LRRC37A2: variants seen among roughly 807,000 people sequenced by gnomAD.
The protein encoded by LRRC37A2 is leucine rich repeat containing 37 member A2.
A neutral mutation model predicts 68.8 loss-of-function variants in LRRC37A2; 9 were observed. The ratio of observed to expected loss-of-function variants is 0.13; its 90% CI spans 0.08 to 0.23. The LOEUF (loss-of-function observed/expected upper bound fraction) is 0.23. Among genes scored for constraint, LRRC37A2 ranks in the 10% least tolerant of loss-of-function variants. The pLI, the probability that LRRC37A2 is intolerant of heterozygous loss-of-function variation, is 1.00. For missense variants in LRRC37A2, 168 were observed against 950.4 expected (o/e 0.18, Z 10.82); for synonymous variants, 63 against 367.6 (o/e 0.17, Z 9.48).
the LRRC37A2 span, among the ~76,000 whole-genome samples, chr17:46,798,796 T>A: frequency 6.6e-6 from 1 of 152,176 alleles, no homozygotes; most frequent in Non-Finnish European, 1.5e-5. Context: ...ACACCTGTAA[T>A]CCCAGCACTT....
the LRRC37A2 span, chr17:46,939,437 A>T: frequency 1.0e-6 from 1 of 992,064 alleles, no homozygotes; most frequent in African/African-American, 1.7e-5. Context: ...ATTTCCCGGG[A>T]GTGTTCAGTC....
chr17:47,000,091 T>TAAAATAAAATTAAATAAAATAAAAATAA, the LRRC37A2 span, among the ~76,000 whole-genome samples: 1 of 62,612 alleles, frequency 1.6e-5, no homozygotes, highest in South Asian at 5.6e-4. Flanking sequence ...TAAAATAAAA[T>TAAAATAAAATTAAATAAAATAAAAATAA]AAAATAAAAT....
chr17:46,534,267 G>C (rs1480016261), intron 6 of LRRC37A2, among the ~76,000 whole-genome samples: 6 of 142,926 alleles, frequency 4.2e-5, no homozygotes, highest in Non-Finnish European at 9.0e-5. Flanking sequence ...CAGGGTCATA[G>C]GACAATAGTG....
chr17:46,864,056 C>T, the LRRC37A2 span, among the ~76,000 whole-genome samples: 3 of 152,322 alleles, frequency 2.0e-5, no homozygotes, highest in South Asian at 2.1e-4. Flanking sequence ...GAGGGGGTCA[C>T]GCACAAGGCA....
At chr17:46,684,680 G>A in the LRRC37A2 span, among the ~76,000 whole-genome samples, 2 of 150,600 alleles carry the variant, frequency 1.3e-5, 1 homozygote, top group South Asian at 4.3e-4. Flanking sequence ...AAATGGTGTT[G>A]GGAAAACTGG....
At chr17:46,972,351 C>A in the LRRC37A2 span, among the ~76,000 whole-genome samples, 1 of 152,218 alleles carries the variant, frequency 6.6e-6, no homozygotes, top group Non-Finnish European at 1.5e-5. Flanking sequence ...CATTTCTAGT[C>A]CAGCTATAGT....
the LRRC37A2 span, chr17:46,941,290 G>A: frequency 5.1e-6 from 5 of 985,602 alleles, no homozygotes; most frequent in African/African-American, 1.7e-5. Flanking sequence ...GGTTTGATTT[G>A]CAAATTTGGA....
the LRRC37A2 span, among the ~76,000 whole-genome samples, chr17:46,881,294 C>T: frequency 1.4e-4 from 21 of 152,250 alleles, no homozygotes; most frequent in Non-Finnish European, 2.1e-4. Flanking sequence ...CCAGCATCCC[C>T]GTCCTAACAT....
At chr17:46,638,614 T>A in the LRRC37A2 span, among the ~76,000 whole-genome samples, 3 of 131,820 alleles carry the variant, frequency 2.3e-5, no homozygotes, top group East Asian at 9.9e-4. Flanking sequence ...TGAGCTCAGG[T>A]GATCCATCCG....
At chr17:46,987,353 C>T in the LRRC37A2 span, among the ~76,000 whole-genome samples, 10 of 152,182 alleles carry the variant, frequency 6.6e-5, no homozygotes, top group South Asian at 1.0e-3. Flanking sequence ...GGCGCCAGGA[C>T]GCTCAGGACT....
the LRRC37A2 span, among the ~76,000 whole-genome samples, chr17:46,788,711 C>T: frequency 6.6e-6 from 1 of 152,078 alleles, no homozygotes; most frequent in Non-Finnish European, 1.5e-5. Flanking sequence ...TAGAATCTAG[C>T]ACCTGCTTCA....
chr17:46,585,356 G>T, the LRRC37A2 span, among the ~76,000 whole-genome samples: 1 of 83,906 alleles, frequency 1.2e-5, no homozygotes, highest in Non-Finnish European at 3.0e-5. Context: ...GAATCCTTAA[G>T]ACATGCCTTC....
At chr17:46,775,728 C>T in the LRRC37A2 span, among the ~76,000 whole-genome samples, 1 of 151,770 alleles carries the variant, frequency 6.6e-6, no homozygotes, top group Non-Finnish European at 1.5e-5. Flanking sequence ...ATTCTCCTGC[C>T]TCAGCCTCCC....
chr17:46,811,934 G>A, the LRRC37A2 span, among the ~76,000 whole-genome samples: 6 of 152,158 alleles, frequency 3.9e-5, no homozygotes, highest in Non-Finnish European at 8.8e-5. Context: ...TCCAGCCTGG[G>A]CGACAGAGCA....
chr17:46,770,546 T>A, the LRRC37A2 span, among the ~76,000 whole-genome samples: 27 of 152,022 alleles, frequency 1.8e-4, no homozygotes, highest in East Asian at 5.3e-3. Flanking sequence ...CGTGGATGCA[T>A]AGGGACGGCC....
At chr17:46,847,468 G>A in the LRRC37A2 span, among the ~76,000 whole-genome samples, 2 of 152,204 alleles carry the variant, frequency 1.3e-5, no homozygotes, top group Non-Finnish European at 2.9e-5. Flanking sequence ...TACAGTTCAA[G>A]TATGTGGGGC....
chr17:47,037,908 C>T, the LRRC37A2 span, among the ~76,000 whole-genome samples: 2 of 152,174 alleles, frequency 1.3e-5, no homozygotes, highest in Non-Finnish European at 2.9e-5. Flanking sequence ...CAATTATTAG[C>T]ATATATTGTT....
the LRRC37A2 span, among the ~76,000 whole-genome samples, chr17:46,392,412 T>TCC: frequency 2.3e-5 from 1 of 43,642 alleles, no homozygotes; most frequent in African/African-American, 6.0e-5. Flanking sequence ...TCTTTCTTTC[T>TCC]CTCTCTCTCT....
the LRRC37A2 span, among the ~76,000 whole-genome samples, chr17:46,830,266 T>TA: frequency 6.6e-6 from 1 of 152,198 alleles, no homozygotes; most frequent in Non-Finnish European, 1.5e-5. Context: ...CCTTTCTTTT[T>TA]TTTGAGATGA....
Sources: gnomAD v4.1 joint callset for allele counts (sites outside exome capture counted in the v4.1 genomes callset) on GRCh38, gnomAD v4.1.1 for gene constraint, MANE v1.5 for transcripts, NCBI Gene and HGNC (gene_info 2026-07-23, HGNC 2026-07-21) for gene names.